Variants in UBALD2 observed in about 807,000 individuals in gnomAD.
The protein encoded by UBALD2 is UBA-like domain-containing protein 2.
Under a neutral mutation model 15.9 loss-of-function variants are expected in UBALD2, and 8 were observed. The ratio of observed to expected loss-of-function variants is 0.50; its 90% CI spans 0.29 to 0.91. The LOEUF (loss-of-function observed/expected upper bound fraction) is 0.91, where lower values mean the gene tolerates loss of function less well. UBALD2 is among the 40% of genes least tolerant of loss of function. UBALD2 has a pLI of 0.07. For synonymous variants in UBALD2, 113 were observed against 97.7 expected (o/e 1.16, Z -0.93); for missense variants, 178 against 234.8 (o/e 0.76, Z 1.58).
In UBALD2 at chr17:76,265,363, C is replaced by G; in HGVS notation, c.-143C>G. 1.2e-6 allele frequency: 1 copy of G among 833,480 alleles called. No individual in the cohort carries two copies. Among genetic ancestry groups the G allele is most frequent in the Non-Finnish European group, 1.4e-6 (1 of 691,704 alleles). The allele number at this position is 833,480 out of a possible 1,614,324, so 51.6% of individuals were successfully genotyped here. On this transcript the variant is annotated 5_prime_UTR_variant, in exon 1 of 3. Transcript: ENST00000327490. ...GAGTCGAACCACAACATTCGCCGGG[C>G]GGGCGGCGGCGGAGCGGGCGGCGGA...
At chr17:76,268,099 A>C (rs978861163) in intron 2 of UBALD2, among the ~76,000 whole-genome samples, 6 of 152,204 alleles carry the variant, frequency 3.9e-5, no homozygotes, top group Non-Finnish European at 7.3e-5. Flanking sequence ...GTAGATTCCC[A>C]TAGTTGGAAG....
chr17:76,266,789 C>T (rs772982801), intron 2 of UBALD2, among the ~76,000 whole-genome samples: 3 of 152,098 alleles, frequency 2.0e-5, no homozygotes, highest in African/African-American at 4.8e-5. Context: ...TACCTATTAG[C>T]CCTGCTGGGG....
intron 2 of UBALD2, among the ~76,000 whole-genome samples, chr17:76,266,542 A>G (rs1304963601): frequency 1.3e-5 from 2 of 152,298 alleles, no homozygotes; most frequent in Non-Finnish European, 2.9e-5. Flanking sequence ...GGAAGTTGGA[A>G]GGACATACAT....
intron 2 of UBALD2, among the ~76,000 whole-genome samples, 188 bp from the exon 3 acceptor site, chr17:76,270,006 G>C (rs997731470): frequency 1.3e-5 from 2 of 152,188 alleles, no homozygotes; most frequent in African/African-American, 4.8e-5. Flanking sequence ...TAAGGTTCTT[G>C]GGTTTTGTCC....
intron 2 of UBALD2, among the ~76,000 whole-genome samples, chr17:76,268,410 C>T (rs758972332): frequency 1.3e-5 from 2 of 151,844 alleles, no homozygotes; most frequent in Non-Finnish European, 2.9e-5. Context: ...AAGTCGGTCA[C>T]GATGCTGTGA....
At chr17:76,270,101 T>C (rs1291196574) in intron 2 of UBALD2, 93 bp from the exon 3 acceptor site, 3 of 1,312,312 alleles carry the variant, frequency 2.3e-6, no homozygotes, top group Non-Finnish European at 3.2e-6. Context: ...AGCTGAAAAA[T>C]GGGAGTAAAG....
In UBALD2 at chr17:76,270,650, G is replaced by A; in HGVS notation, c.*145G>A. ...AGATTTTATAAAAGAATTTTTGTGGGTCGGGGGGACAGTAAACTTCCTGGG... is the reference window on the plus strand; with the variant it reads ...AGATTTTATAAAAGAATTTTTGTGGATCGGGGGGACAGTAAACTTCCTGGG... On this transcript the variant is annotated 3_prime_UTR_variant, in exon 3 of 3. Coordinates refer to ENST00000327490, the MANE Select transcript of UBALD2 (RefSeq NM_182565.4). 2 of 803,590 alleles carry A rather than the reference G, an allele frequency of 2.5e-6. No individual in the cohort carries two copies. The highest frequency in any genetic ancestry group is 1.8e-6 in the Non-Finnish European group (1 of 557,700). 49.8% of individuals were successfully genotyped at this position (803,590 alleles called of 1,614,324 possible).
At chr17:76,268,982 G>A (rs1370809999) in intron 2 of UBALD2, among the ~76,000 whole-genome samples, 5 of 151,984 alleles carry the variant, frequency 3.3e-5, no homozygotes, top group African/African-American at 7.3e-5. Flanking sequence ...TGATCCACCC[G>A]CCTCGGCCTC....
rs1290965769 is a variant in UBALD2, at chr17:76,265,527, C to T, written c.22C>T (p.Leu8=). The change falls in exon 1 of 3, where the codon CTG becomes TTG. Residue 8 remains leucine, a synonymous_variant. Coordinates refer to ENST00000327490, the MANE Select transcript of UBALD2 (RefSeq NM_182565.4). ...CGCCATGTCGGTGAACATGGACGAGCTGCGGCACCAGGTCATGATCAACCA... is the reference window on the plus strand; with the variant it reads ...CGCCATGTCGGTGAACATGGACGAGTTGCGGCACCAGGTCATGATCAACCA... The part of the protein sequence containing the change: MSVNMDE[L]RHQVMINQFV... The T allele has an allele frequency of 5.4e-6, 7 of 1,302,910 alleles. No individual in the cohort carries two copies. In the African/African-American group the frequency reaches 1.1e-4, roughly 20 times the overall value. The allele number at this position is 1,302,910 out of a possible 1,614,324, so 80.7% of individuals were successfully genotyped here. A position where few individuals can be genotyped will look rare whatever the true frequency, so the allele number is the denominator to read the frequency against.
Position 76,265,586 on chromosome 17 carries a change from G to A in UBALD2, c.81G>A (p.Gln27=). 2.2e-6 allele frequency: 3 copies of A among 1,338,092 alleles called. No homozygotes were observed. Among genetic ancestry groups the A allele is most frequent in the Non-Finnish European group, 2.9e-6 (3 of 1,021,114 alleles). The allele number at this position is 1,338,092 out of a possible 1,614,324, so 82.9% of individuals were successfully genotyped here. The change falls in exon 1 of 3, where the codon CAG becomes CAA. Residue 27 remains glutamine (Q), a synonymous_variant. Transcript: ENST00000327490. The part of the protein sequence containing the change: ...FVLAAGCAAD[Q]AKQLLQAAHW... ...TGGCCGCGGGCTGCGCGGCCGACCA[G>A]GCGAAGCAGTTGCTGCAGGCGGCCC...
At chr17:76,267,382 A>T (rs752469367) in intron 2 of UBALD2, among the ~76,000 whole-genome samples, 13 of 152,092 alleles carry the variant, frequency 8.5e-5, no homozygotes, top group Non-Finnish European at 8.8e-5. Context: ...CAAGGAAGGC[A>T]GCAGGTTTTG....
chr17:76,265,681 G>T (rs1363912578), intron 1 of UBALD2, 56 bp downstream of exon 1: 1 of 1,163,878 alleles, frequency 8.6e-7, no homozygotes, highest in East Asian at 4.3e-5. Context: ...GCCGGGCGGC[G>T]GCGGGGGCGG....
intron 2 of UBALD2, 151 bp downstream of exon 2, chr17:76,266,120 C>A: frequency 3.0e-6 from 3 of 1,007,368 alleles, no homozygotes; most frequent in South Asian, 1.5e-5. Flanking sequence ...CTGGCGCCTC[C>A]AACTTTGAGG....
chr17:76,265,658 G>T, intron 1 of UBALD2, 33 bp downstream of exon 1: 1 of 1,143,732 alleles, frequency 8.7e-7, no homozygotes, highest in Non-Finnish European at 1.1e-6. Flanking sequence ...GCCGGGCCGC[G>T]GGGGTCGGGG....
rs142765345 is a variant in UBALD2, at chr17:76,271,147, G to GA, written c.*642_*643insA. 0.12 allele frequency: 18,196 copies of GA among 147,144 alleles called. 1,386 individuals carry two copies. The highest frequency in any genetic ancestry group is 0.2 in the South Asian group (890 of 4,466). 9.1% of individuals were successfully genotyped at this position (147,144 alleles called of 1,614,324 possible). A position where few individuals can be genotyped will look rare whatever the true frequency, so the allele number is the denominator to read the frequency against. ...CAAAGGCCAGGCTCTGCCCAGCAGG[G>GA]GACTTGACTGCCCTGGGCGCCCTGC... On this transcript the variant is annotated 3_prime_UTR_variant, in exon 3 of 3. Transcript: ENST00000327490.
chr17:76,270,425 C>A lies in UBALD2; in HGVS notation c.415C>A (p.Pro139Thr). 1 of 1,529,344 alleles carries A rather than the reference C, an allele frequency of 6.5e-7. No individual in the cohort carries two copies. Among genetic ancestry groups the A allele is most frequent in the Non-Finnish European group, 8.8e-7 (1 of 1,140,370 alleles). 94.7% of individuals were successfully genotyped at this position (1,529,344 alleles called of 1,614,324 possible). The change falls in exon 3 of 3, where the codon CCA (proline) becomes ACA (threonine). Residue 139 changes from proline (P) to threonine (T), a missense_variant. Pro to Thr is a conservative substitution (Grantham distance 38). Transcript: ENST00000327490. Reference sequence around the variant, plus strand: ...CACCACCTTCCACCACCTCCACCGCCCACAGCCCACGTGGCCCCCAGGAGC... The same window carrying A: ...CACCACCTTCCACCACCTCCACCGCACACAGCCCACGTGGCCCCCAGGAGC... ...SPTTFHHLHR[P>T]QPTWPPGAQQ...
intron 2 of UBALD2, 83 bp downstream of exon 2, chr17:76,266,052 G>A: frequency 6.8e-7 from 1 of 1,476,564 alleles, no homozygotes; most frequent in Non-Finnish European, 9.1e-7. Context: ...GCGCCGCGCC[G>A]CGAATGTAAA....
intron 2 of UBALD2, among the ~76,000 whole-genome samples, chr17:76,268,022 C>T (rs1489617797): frequency 6.6e-6 from 1 of 152,182 alleles, no homozygotes; most frequent in African/African-American, 2.4e-5. Context: ...CACTAGAGAC[C>T]AGTAACAGCA....
Position 76,265,920 on chromosome 17 carries a change from C to T in UBALD2, c.134C>T (p.Thr45Met). The change falls in exon 2 of 3, where the codon ACG becomes ATG. Residue 45 changes from threonine (T) to methionine (M), a missense_variant. Thr to Met is a moderately conservative substitution (Grantham distance 81). Coordinates refer to ENST00000327490, the MANE Select transcript of UBALD2 (RefSeq NM_182565.4). The stretch of plus-strand genomic sequence containing the variant: ...GTTTGTCCGCAGACCGCGCTGAGCA[C>T]GTTCTTCCAAGAAACCAACATTCCC... The part of the protein sequence containing the change: ...AHWQFETALS[T>M]FFQETNIPNS... The T allele has an allele frequency of 6.2e-7, 1 of 1,604,818 alleles. No individual in the cohort carries two copies. The highest frequency in any genetic ancestry group is 8.5e-7 in the Non-Finnish European group (1 of 1,176,230).
Sources: gnomAD v4.1 joint callset for allele counts (sites outside exome capture counted in the v4.1 genomes callset) on GRCh38, gnomAD v4.1.1 for gene constraint, MANE v1.5 for transcripts, NCBI Gene and HGNC (gene_info 2026-07-23, HGNC 2026-07-21) for gene names.